Variants in ARSL observed in about 807,000 individuals in gnomAD.
The protein encoded by ARSL is arylsulfatase L.
Under a neutral mutation model 31.1 loss-of-function variants are expected in ARSL, and 4 were observed. That is an observed-to-expected ratio of 0.13 (90% CI 0.06 to 0.29). The LOEUF (loss-of-function observed/expected upper bound fraction) is 0.29, where lower values mean the gene tolerates loss of function less well. ARSL is among the 10% of genes least tolerant of loss of function. ARSL has a pLI of 1.00. For missense variants in ARSL, 312 were observed against 497.8 expected (o/e 0.63, Z 3.55); for synonymous variants, 198 against 209.9 (o/e 0.94, Z 0.49).
chrX:2,938,033 A>G lies in ARSL; in HGVS notation c.1289+62T>C. ...ACTGCAAAGCCAAAGTGACATGTTC[A>G]TTTGCCATAAGTGTTGCTGTGTCTG... On this transcript the variant is annotated intron_variant, in intron 9 of 10. Coordinates refer to ENST00000381134, the MANE Select transcript of ARSL (RefSeq NM_000047.3). The G allele has an allele frequency of 5.0e-6, 6 of 1,202,160 alleles. No homozygotes were observed. In the East Asian group the frequency reaches 1.5e-4, roughly 30 times the overall value.
intron 2 of ARSL, among the ~76,000 whole-genome samples, chrX:2,960,082 A>C (rs968155783): frequency 9.7e-6 from 1 of 102,813 alleles, no homozygotes; most frequent in Non-Finnish European, 2.0e-5. Flanking sequence ...ATCCTGGCTA[A>C]CACGGTGAAA....
At chrX:2,942,988 G>A (rs2089300952) in intron 8 of ARSL, 77 bp downstream of exon 8, 2 of 1,160,153 alleles carry the variant, frequency 1.7e-6, no homozygotes, top group Middle Eastern at 5.1e-4. Context: ...GACCCTCCTG[G>A]AATAGATTGC....
intron 7 of ARSL, among the ~76,000 whole-genome samples, chrX:2,943,477 C>T (rs1162115287): frequency 9.0e-6 from 1 of 110,810 alleles, no homozygotes; most frequent in Non-Finnish European, 1.9e-5. Context: ...CACAGTGGCT[C>T]ACACTTGTAA....
chrX:2,945,017 G>C (rs2089354980), intron 7 of ARSL, among the ~76,000 whole-genome samples: 1 of 110,253 alleles, frequency 9.1e-6, no homozygotes, highest in African/African-American at 3.3e-5. Flanking sequence ...AGAAGAAGAA[G>C]AAGAAGAAGA....
At position 2,954,129 on chromosome X, in the gene ARSL, G is replaced by C. The variant is rs181699888; in HGVS notation, c.308-864C>G. Among the ~76,000 whole-genome samples the C allele has an allele frequency of 2.7e-5, 3 of 111,158 alleles. No individual in the cohort carries two copies. The East Asian group carries it at 8.5e-4, about 31-fold the overall frequency. ...GAGCTTCAAAATATTCTGACGCCTG[G>C]TTATCACCCCAGGGGTGCTAATTTT... is the stretch of plus-strand genomic sequence containing the variant. On this transcript the variant is annotated intron_variant, in intron 4 of 10. Coordinates refer to ENST00000381134, the MANE Select transcript of ARSL (RefSeq NM_000047.3).
At chrX:2,958,757 C>T (rs946715490) in intron 2 of ARSL, among the ~76,000 whole-genome samples, 1 of 111,317 alleles carries the variant, frequency 9.0e-6, no homozygotes, top group Admixed American at 9.6e-5. Flanking sequence ...GAGGCTGCAG[C>T]GGGTGGATTG....
rs747661858 is a variant in ARSL at position 2,946,322 on chromosome X, CTTTTTTTTT to C, written c.855-197_855-189del. On this transcript the variant is annotated intron_variant, in intron 6 of 10. Coordinates refer to ENST00000381134, the MANE Select transcript of ARSL (RefSeq NM_000047.3). The stretch of plus-strand genomic sequence containing the variant: ...TTAATTCTTATATTTAACAATCTTC[CTTTTTTTTT>C]TTTTTTTTTTTTTTTGGCTATTTTA... Among the ~76,000 whole-genome samples the C allele has an allele frequency of 0.44, 30,648 of 69,271 alleles. 5,784 individuals are homozygous for C. Among genetic ancestry groups the C allele is most frequent in the Middle Eastern group, 0.65 (75 of 116 alleles). 60.2% of individuals were successfully genotyped at this position (69,271 alleles called of 115,157 possible).
intron 7 of ARSL, 38 bp downstream of exon 7, chrX:2,945,960 G>A (rs181947993): frequency 9.5e-5 from 115 of 1,204,681 alleles, no homozygotes; most frequent in Non-Finnish European, 1.2e-4. Context: ...TCTATTGCTG[G>A]AAGGGAAGCA....
intron 1 of ARSL, among the ~76,000 whole-genome samples, chrX:2,961,686 A>T (rs2089636760): frequency 9.0e-6 from 1 of 110,809 alleles, no homozygotes; most frequent in Non-Finnish European, 1.9e-5. Flanking sequence ...TTTCTACCGG[A>T]CCCTTCCAAT....
intron 2 of ARSL, among the ~76,000 whole-genome samples, chrX:2,959,359 G>C (rs768654377): frequency 8.9e-6 from 1 of 111,902 alleles, no homozygotes; most frequent in Non-Finnish European, 1.9e-5. Context: ...AGAAAGCCCT[G>C]GTAGTTGCGT....
upstream of ARSL, chrX:2,968,140 GC>G (rs1162444999): frequency 6.2e-5 from 71 of 1,153,353 alleles, no homozygotes; most frequent in Non-Finnish European, 7.7e-5. Context: ...CCCCAGGAAG[GC>G]CAGTTACCTG....
chrX:2,958,280 G>A lies in ARSL; in HGVS notation c.179C>T (p.Thr60Ile). ...IGDIGCYGNN[T>I]MRTPNIDRLA... ...GTAATTCTCTGTCCCTTGCCTCATGGTGTTGTTGCCATAGCAGCCAATGTC... is the reference window on the plus strand; with the variant it reads ...GTAATTCTCTGTCCCTTGCCTCATGATGTTGTTGCCATAGCAGCCAATGTC... Residue 60 changes from threonine to isoleucine, a missense_variant, in exon 3 of 11, where the codon ACC becomes ATC. Transcript: ENST00000381134. The A allele has an allele frequency of 8.3e-7, 1 of 1,211,715 alleles. No homozygotes were observed.
At chrX:2,954,642 AAGGTTTTATCATTC>A (rs1163556724) in intron 4 of ARSL, among the ~76,000 whole-genome samples, 1 of 111,234 alleles carries the variant, frequency 9.0e-6, no homozygotes. Flanking sequence ...TATTATTATT[AAGGTTTTATCATTC>A]AGCTATGGCA....
chrX:2,946,332 T>C (rs1167683788), intron 6 of ARSL, among the ~76,000 whole-genome samples, 198 bp from the exon 7 acceptor site: 4 of 41,970 alleles, frequency 9.5e-5, no homozygotes, highest in Non-Finnish European at 2.5e-4. Flanking sequence ...CTTTTTTTTT[T>C]TTTTTTTTTT....
Position 2,964,205 on chromosome X carries a change from G to C in ARSL, c.-21+19C>G. 1 of 754,170 alleles carries C rather than the reference G, an allele frequency of 1.3e-6. No homozygotes were observed. The highest frequency in any genetic ancestry group is 1.6e-6 in the Non-Finnish European group (1 of 639,331). 62.2% of individuals were successfully genotyped at this position (754,170 alleles called of 1,213,427 possible). On this transcript the variant is annotated intron_variant, in intron 1 of 10. Transcript: ENST00000381134. ...CACGGAGCCCAAATCCAGCACAAAT[G>C]AACATTCACAGGACTCACCTCTGCT...
chrX:2,962,986 C>T (rs1317900896), intron 1 of ARSL, among the ~76,000 whole-genome samples: 1 of 111,875 alleles, frequency 8.9e-6, no homozygotes, highest in Non-Finnish European at 1.9e-5. Context: ...CCTTTCCAGA[C>T]CGAATCAATG....
chrX:2,935,022 G>A lies in ARSL; in HGVS notation c.1580C>T (p.Thr527Ile). ...SRDPSETHIL[T>I]PASEPVFYQV... ...ATAGAACACGGGCTCTGAGGCTGGT[G>A]TGAGGATGTGGGTCTCAGAAGGGTC... Residue 527 changes from threonine to isoleucine, a missense_variant, in exon 11 of 11, where the codon ACA (threonine) becomes ATA (isoleucine). Coordinates refer to ENST00000381134, the MANE Select transcript of ARSL (RefSeq NM_000047.3). 3 of 1,211,488 alleles carry A rather than the reference G, an allele frequency of 2.5e-6. No individual in the cohort carries two copies. The highest frequency in any genetic ancestry group is 3.4e-6 in the Non-Finnish European group (3 of 895,443).
intron 5 of ARSL, 170 bp downstream of exon 5, chrX:2,952,973 T>G (rs1191535157): frequency 1.9e-6 from 1 of 524,498 alleles, no homozygotes; most frequent in African/African-American, 2.4e-5. Flanking sequence ...TTCTTGAGTA[T>G]CTACTTTGCA....
At chrX:2,955,287 TGGGCAAGATAGA>T (rs1257207648) in intron 4 of ARSL, 117 bp downstream of exon 4, 12 of 864,213 alleles carry the variant, frequency 1.4e-5, no homozygotes, top group African/African-American at 2.0e-5. Flanking sequence ...AAGACCAGCA[TGGGCAAGATAGA>T]GAGAACACCC....
Sources: gnomAD v4.1 joint callset for allele counts (sites outside exome capture counted in the v4.1 genomes callset) on GRCh38, gnomAD v4.1.1 for gene constraint, MANE v1.5 for transcripts, NCBI Gene and HGNC (gene_info 2026-07-23, HGNC 2026-07-21) for gene names.